Variants in PSMB1 observed in about 807,000 individuals in gnomAD.
PSMB1 encodes the protein proteasome subunit beta type-1.
PSMB1 carries 7 observed loss-of-function variants against 25.4 expected under a neutral mutation model. The ratio of observed to expected loss-of-function variants is 0.28; its 90% confidence interval spans 0.16 to 0.52. PSMB1 has a LOEUF of 0.52. Among genes scored for constraint, PSMB1 ranks in the 20% least tolerant of loss-of-function variants. The probability of loss-of-function intolerance (pLI) is 0.97; values close to 1 mark genes in which losing one functional copy is unlikely to be tolerated. For missense variants in PSMB1, 284 were observed against 302.2 expected, an observed-to-expected ratio of 0.94 and a Z score of 0.45; for synonymous variants, 119 against 115.0, an observed-to-expected ratio of 1.03 and a Z score of -0.22.
chr6:170,535,153 T>C lies in PSMB1; in HGVS notation c.*67A>G, dbSNP rs1583111192. On this transcript the variant is annotated 3_prime_UTR_variant, in exon 6 of 6. Transcript: ENST00000262193. ...GTTTCTCTTTTAATAAACAAAACCA[T>C]CCAAGGTACAGTTCCAAAGTACAAA... The C allele has an allele frequency of 1.4e-6, 2 of 1,429,848 alleles. No individual in the cohort carries two copies. The highest frequency in any genetic ancestry group is 1.9e-6 in the Non-Finnish European group (2 of 1,057,832). The allele number at this position is 1,429,848 out of a possible 1,614,324, so 88.6% of individuals were successfully genotyped here.
In PSMB1 at chr6:170,544,856, T is replaced by G. The variant is rs934930964; in HGVS notation, c.304-1126A>C. On this transcript the variant is annotated intron_variant, in intron 3 of 5. Coordinates refer to ENST00000262193, the MANE Select transcript of PSMB1 (RefSeq NM_002793.4). The stretch of plus-strand genomic sequence containing the variant: ...GATAAAAACTATAAAAAATTATTCA[T>G]AGGCCGGGCACAGTGGCTCACTGCT... Among the ~76,000 whole-genome samples the G allele has an allele frequency of 5.9e-5, 9 of 152,204 alleles. No homozygotes were observed. The East Asian group carries it at 1.7e-3, about 29-fold the overall frequency.
chr6:170,546,031 G>A (rs2114979593), intron 3 of PSMB1, 72 bp downstream of exon 3: 1 of 1,292,102 alleles, frequency 7.7e-7, no homozygotes, highest in Non-Finnish European at 1.1e-6. Flanking sequence ...CAACAGTCAT[G>A]CTGTAGGCTT....
In PSMB1 at chr6:170,546,095, G is replaced by T. The variant is rs141747482; in HGVS notation, c.303+8C>A. 81 of 1,607,576 alleles carry T rather than the reference G, an allele frequency of 5.0e-5. No homozygotes were observed. The African/African-American group carries it at 9.1e-4, about 18-fold the overall frequency. On this transcript the variant is annotated splice_region_variant and intron_variant, in intron 3 of 5. Coordinates refer to ENST00000262193, the MANE Select transcript of PSMB1 (RefSeq NM_002793.4). ...TAAAATAGTGTAGAAATGTACAAAA[G>T]CATCTACCTTTAGTCTTGCTTCAAT...
intron 3 of PSMB1, 74 bp downstream of exon 3, chr6:170,546,029 A>G: frequency 7.8e-7 from 1 of 1,281,284 alleles, no homozygotes; most frequent in South Asian, 1.3e-5. Flanking sequence ...ACCAACAGTC[A>G]TGCTGTAGGC....
intron 2 of PSMB1, among the ~76,000 whole-genome samples, chr6:170,548,503 TAA>T (rs57002371): frequency 6.9e-6 from 1 of 144,866 alleles, no homozygotes. Context: ...ATGTTTCAGG[TAA>T]AAAAAAAAAG....
rs757667726 is a variant in PSMB1 at position 170,535,205 on chromosome 6, A to G, written c.*15T>C. ...TCAACCAGGTCTGAACTGATTGGTGATAAGAGCACACAGATCAGTCCTTCC... is the reference window on the plus strand; with the variant it reads ...TCAACCAGGTCTGAACTGATTGGTGGTAAGAGCACACAGATCAGTCCTTCC... On this transcript the variant is annotated 3_prime_UTR_variant, in exon 6 of 6. Coordinates refer to ENST00000262193, the MANE Select transcript of PSMB1 (RefSeq NM_002793.4). The G allele has an allele frequency of 3.7e-6, 6 of 1,611,554 alleles. No homozygotes were observed. The highest frequency in any genetic ancestry group is 1.6e-4 in the Middle Eastern group (1 of 6,070).
chr6:170,538,530 C>G (rs1448939504), intron 4 of PSMB1, among the ~76,000 whole-genome samples: 4 of 152,154 alleles, frequency 2.6e-5, no homozygotes, highest in African/African-American at 9.7e-5. Context: ...GAAACCCCAT[C>G]TCTACTAAAA....
At position 170,545,160 on chromosome 6, in the gene PSMB1, AATTTCATTCC is replaced by A. The variant is rs1465397429; in HGVS notation, c.303+933_303+942del. Among the ~76,000 whole-genome samples the A allele has an allele frequency of 3.9e-5, 6 of 152,144 alleles. No homozygotes were observed. The East Asian group carries it at 1.2e-3, about 29-fold the overall frequency. ...ACTCTGTCTCAAAAAAAAAAAAAAAAATTTCATTCCATTTCATTTCGAAACCAAGCACCAA... is the reference window on the plus strand; with the variant it reads ...ACTCTGTCTCAAAAAAAAAAAAAAAAATTTCATTTCGAAACCAAGCACCAA... On this transcript the variant is annotated intron_variant, in intron 3 of 5. Coordinates refer to ENST00000262193, the MANE Select transcript of PSMB1 (RefSeq NM_002793.4).
intron 5 of PSMB1, 63 bp downstream of exon 5, chr6:170,537,171 C>A: frequency 8.0e-7 from 1 of 1,256,942 alleles, no homozygotes; most frequent in Non-Finnish European, 1.2e-6. Context: ...TGGAGGAAGG[C>A]ACTTCAACTG....
rs74779662 is a variant in PSMB1, at chr6:170,549,163, T to C, written c.114-50A>G. 1.3e-3 allele frequency: 1,401 copies of C among 1,090,676 alleles called. 2 individuals are homozygous for C. The highest frequency in any genetic ancestry group is 2.9e-3 in the Admixed American group (162 of 55,238). The allele number at this position is 1,090,676 out of a possible 1,614,324, so 67.6% of individuals were successfully genotyped here. A position where few individuals can be genotyped will look rare whatever the true frequency, so the allele number is the denominator to read the frequency against. The stretch of plus-strand genomic sequence containing the variant: ...TTCTCCAGGGTGGTAATCCTATCCC[T>C]ACAAATAGAAGAATGCTCCATAGTA... On this transcript the variant is annotated intron_variant, in intron 1 of 5. Coordinates refer to ENST00000262193, the MANE Select transcript of PSMB1 (RefSeq NM_002793.4).
At chr6:170,547,804 T>G (rs1378658379) in intron 2 of PSMB1, among the ~76,000 whole-genome samples, 2 of 149,094 alleles carry the variant, frequency 1.3e-5, no homozygotes, top group African/African-American at 5.0e-5. Context: ...CCACAGGACG[T>G]GGGATGAGGG....
In PSMB1 at chr6:170,553,032, G is replaced by A. The variant is rs1177672715; in HGVS notation, c.113+98C>T. ...CAGCTCAGGGTTCTGAGGCCTGCAG[G>A]AGCCCGGGGCAGCGCCATCACGGCG... On this transcript the variant is annotated intron_variant, in intron 1 of 5. Transcript: ENST00000262193. 40 of 1,088,682 alleles carry A rather than the reference G, an allele frequency of 3.7e-5. 1 individual carries two copies. The Admixed American group carries it at 8.9e-4, about 24-fold the overall frequency. 67.4% of individuals were successfully genotyped at this position (1,088,682 alleles called of 1,614,324 possible). A position where few individuals can be genotyped will look rare whatever the true frequency, so the allele number is the denominator to read the frequency against.
intron 1 of PSMB1, among the ~76,000 whole-genome samples, chr6:170,552,098 G>A (rs1332815566): frequency 6.6e-6 from 1 of 152,200 alleles, no homozygotes; most frequent in Non-Finnish European, 1.5e-5. Flanking sequence ...TATTTTTGTA[G>A]AGATGGGGTC....
chr6:170,550,649 C>T (rs568475714), intron 1 of PSMB1, among the ~76,000 whole-genome samples: 202 of 152,244 alleles, frequency 1.3e-3, no homozygotes, highest in African/African-American at 4.5e-3. Context: ...TGAAATGGGA[C>T]AGAAACACTG....
intron 2 of PSMB1, among the ~76,000 whole-genome samples, chr6:170,546,471 T>G (rs890450004): frequency 2.0e-5 from 3 of 152,110 alleles, no homozygotes; most frequent in Admixed American, 2.0e-4. Flanking sequence ...GTAGGTTAAT[T>G]GACTGATTTT....
Position 170,553,300 on chromosome 6 carries a change from G to A in PSMB1, c.-58C>T. 1 of 1,326,736 alleles carries A rather than the reference G, an allele frequency of 7.5e-7. No homozygotes were observed. Among genetic ancestry groups the A allele is most frequent in the East Asian group, 2.5e-5 (1 of 40,786 alleles). The allele number at this position is 1,326,736 out of a possible 1,614,324, so 82.2% of individuals were successfully genotyped here. A position where few individuals can be genotyped will look rare whatever the true frequency, so the allele number is the denominator to read the frequency against. ...TGTCTCACGGCGAGATGGCTGCCTT[G>A]ACCGGACGTTACGCCACTTCCGGCT... is the stretch of plus-strand genomic sequence containing the variant. On this transcript the variant is annotated 5_prime_UTR_variant, in exon 1 of 6. Coordinates refer to ENST00000262193, the MANE Select transcript of PSMB1 (RefSeq NM_002793.4).
intron 3 of PSMB1, among the ~76,000 whole-genome samples, chr6:170,544,242 T>C (rs1370734178): frequency 1.3e-5 from 2 of 152,160 alleles, no homozygotes; most frequent in African/African-American, 4.8e-5. Flanking sequence ...CGGCAATCCC[T>C]GATCAAACCT....
At chr6:170,542,694 T>G (rs1048127538) in intron 4 of PSMB1, among the ~76,000 whole-genome samples, 18 of 152,186 alleles carry the variant, frequency 1.2e-4, no homozygotes, top group Non-Finnish European at 2.1e-4. Context: ...ACCCTGAGAT[T>G]TAGTGTTCTG....
intron 4 of PSMB1, among the ~76,000 whole-genome samples, chr6:170,541,720 G>C (rs1260824304): frequency 6.6e-6 from 1 of 152,168 alleles, no homozygotes; most frequent in Non-Finnish European, 1.5e-5. Context: ...AGCTTAGAAA[G>C]ACAGTTCTAG....
Sources: gnomAD v4.1 joint callset for allele counts (sites outside exome capture counted in the v4.1 genomes callset) on GRCh38, gnomAD v4.1.1 for gene constraint, MANE v1.5 for transcripts, NCBI Gene and HGNC (gene_info 2026-07-23, HGNC 2026-07-21) for gene names.